Variants in ART1 observed in about 807,000 individuals in gnomAD.
ART1 encodes the protein ADP-ribosyltransferase 1, also known as GPI-linked NAD(P)(+)--arginine ADP-ribosyltransferase 1.
Under a neutral mutation model 27.0 loss-of-function variants are expected in ART1, and 29 were observed. That is an observed-to-expected ratio of 1.08 (90% confidence interval 0.80 to 1.47). The LOEUF (loss-of-function observed/expected upper bound fraction) is 1.47. Among genes scored for constraint, ART1 ranks in the 40% most tolerant of loss-of-function variants. The probability of loss-of-function intolerance (pLI) is 0.00; values close to 1 mark genes in which losing one functional copy is unlikely to be tolerated. For synonymous variants in ART1, 201 were observed against 172.2 expected, an observed-to-expected ratio of 1.17 and a Z score of -1.31; for missense variants, 480 against 423.0, an observed-to-expected ratio of 1.13 and a Z score of -1.18.
At chr11:3,653,454 C>T (rs1003048101) in intron 1 of ART1, among the ~76,000 whole-genome samples, 1 of 149,210 alleles carries the variant, frequency 6.7e-6, no homozygotes, top group Non-Finnish European at 1.5e-5. Flanking sequence ...CTCTGACTGC[C>T]AGAGAACAAC....
At chr11:3,647,893 G>C (rs2077482493) in intron 1 of ART1, among the ~76,000 whole-genome samples, 1 of 147,988 alleles carries the variant, frequency 6.8e-6, no homozygotes. Flanking sequence ...CTGCAGTCAT[G>C]TAAGAATGGT....
intron 1 of ART1, among the ~76,000 whole-genome samples, chr11:3,648,561 T>C (rs1401542648): frequency 6.6e-6 from 1 of 152,198 alleles, no homozygotes; most frequent in Non-Finnish European, 1.5e-5. Flanking sequence ...TCTCTTAATT[T>C]CAATTCCTTT....
In ART1 at chr11:3,659,615, CTTCTCT is replaced by C; in HGVS notation, c.97_102del (p.Phe33_Ser34del). The C allele has an allele frequency of 6.2e-7, 1 of 1,611,320 alleles. No individual in the cohort carries two copies. The highest frequency in any genetic ancestry group is 8.5e-7 in the Non-Finnish European group (1 of 1,179,238). ...GCCACCCCATCACACGACGAGACCT[CTTCTCT>C]CAAGAGATTCAGCTGGACATGGCCC... is the stretch of plus-strand genomic sequence containing the variant. On this transcript the variant is annotated inframe_deletion, in exon 3 of 5. Transcript: ENST00000250693.
At position 3,660,021 on chromosome 11, in the gene ART1, G is replaced by T. The variant is rs746683411; in HGVS notation, c.502G>T (p.Gly168Cys). 6.2e-7 allele frequency: 1 copy of T among 1,613,828 alleles called. No homozygotes were observed. The highest frequency in any genetic ancestry group is 8.5e-7 in the Non-Finnish European group (1 of 1,179,930). The change falls in exon 3 of 5, where the codon GGC (glycine) becomes TGC (cysteine). Residue 168 changes from glycine to cysteine, a missense_variant. Transcript: ENST00000250693. ...TGAGGCCCTGCAGCTCCTGGGCAGC[G>T]GCCAGCGTCCACCCCGGTGCCACCA... ...LTEALQLLGS[G>C]QRPPRCHQVF...
intron 1 of ART1, among the ~76,000 whole-genome samples, chr11:3,648,204 G>A (rs897174586): frequency 1.7e-4 from 26 of 151,574 alleles, no homozygotes; most frequent in East Asian, 1.4e-3. Context: ...ATCTCCCTTC[G>A]CTGACTCTCT....
intron 1 of ART1, among the ~76,000 whole-genome samples, chr11:3,649,956 C>G (rs2077505832): frequency 6.6e-6 from 1 of 152,152 alleles, no homozygotes; most frequent in African/African-American, 2.4e-5. Flanking sequence ...CCAATCTGCT[C>G]CTGACATTAA....
intron 1 of ART1, among the ~76,000 whole-genome samples, chr11:3,657,327 C>A (rs1403538943): frequency 6.6e-6 from 1 of 152,172 alleles, no homozygotes; most frequent in African/African-American, 2.4e-5. Flanking sequence ...GTAATCCCAG[C>A]ACTTTGGGAG....
intron 1 of ART1, among the ~76,000 whole-genome samples, chr11:3,652,210 G>A (rs922187550): frequency 6.6e-6 from 1 of 150,872 alleles, no homozygotes; most frequent in Non-Finnish European, 1.5e-5. Flanking sequence ...TCTTAGTCTA[G>A]GTAGACACTT....
chr11:3,663,352 T>C (rs2077637583), intron 4 of ART1, among the ~76,000 whole-genome samples: 1 of 152,170 alleles, frequency 6.6e-6, no homozygotes, highest in Admixed American at 6.5e-5. Flanking sequence ...TTCCAGATAC[T>C]GGAAAAGTTT....
At chr11:3,650,564 G>T (rs890107033) in intron 1 of ART1, among the ~76,000 whole-genome samples, 1 of 152,132 alleles carries the variant, frequency 6.6e-6, no homozygotes, top group Non-Finnish European at 1.5e-5. Context: ...TGTTTCCCTT[G>T]CTTCCATAAC....
intron 1 of ART1, among the ~76,000 whole-genome samples, chr11:3,648,854 ACTC>A (rs543466353): frequency 5.2e-4 from 77 of 148,742 alleles, no homozygotes; most frequent in Admixed American, 1.9e-3. Context: ...AGGGGCAAAA[ACTC>A]CTCAACCCCT....
At chr11:3,663,973 G>C in intron 4 of ART1, 119 bp from the exon 5 acceptor site, 1 of 886,528 alleles carries the variant, frequency 1.1e-6, no homozygotes, top group Non-Finnish European at 1.7e-6. Flanking sequence ...AGTCTGTCCA[G>C]CTCACTCTGC....
Position 3,664,220 on chromosome 11 carries a change from GCC to G in ART1, c.*32_*33del. 1 of 1,599,426 alleles carries G rather than the reference GCC, an allele frequency of 6.3e-7. No homozygotes were observed. Among genetic ancestry groups the G allele is most frequent in the African/African-American group, 1.3e-5 (1 of 74,726 alleles). Reference sequence around the variant, plus strand: ...GAGACACGGGACAGCCTCGCCTGCTGCCTCTGCCCATCCTGAGGATGTTGGCC... The same window carrying G: ...GAGACACGGGACAGCCTCGCCTGCTGTCTGCCCATCCTGAGGATGTTGGCC... On this transcript the variant is annotated 3_prime_UTR_variant, in exon 5 of 5. Transcript: ENST00000250693.
intron 1 of ART1, among the ~76,000 whole-genome samples, chr11:3,648,794 C>G (rs2077489934): frequency 6.6e-6 from 1 of 151,986 alleles, no homozygotes; most frequent in Non-Finnish European, 1.5e-5. Context: ...GGGGTAAGTA[C>G]CCCAACCCCT....
chr11:3,656,191 C>T (rs996349824), intron 1 of ART1, among the ~76,000 whole-genome samples: 9 of 151,904 alleles, frequency 5.9e-5, no homozygotes, highest in South Asian at 2.1e-4. Context: ...GCCTTGGCCT[C>T]CCAGAGTGCT....
At chr11:3,657,213 G>T (rs1184358804) in intron 1 of ART1, among the ~76,000 whole-genome samples, 2 of 152,106 alleles carry the variant, frequency 1.3e-5, no homozygotes, top group South Asian at 2.1e-4. Flanking sequence ...TTTTCTGAAG[G>T]GAGGTTTCAG....
chr11:3,659,508 G>A, intron 2 of ART1, 75 bp from the exon 3 acceptor site: 3 of 1,493,872 alleles, frequency 2.0e-6, no homozygotes, highest in South Asian at 1.3e-5. Flanking sequence ...CTCAGTGGAG[G>A]GGAGAGCTGG....
intron 1 of ART1, chr11:3,655,422 C>G (rs943744706): frequency 6.6e-6 from 1 of 152,222 alleles, no homozygotes; most frequent in Admixed American, 6.5e-5. Flanking sequence ...AGTCTGACTT[C>G]CAGCCCTCAT....
intron 1 of ART1, among the ~76,000 whole-genome samples, chr11:3,650,595 A>G (rs2077513284): frequency 6.6e-6 from 1 of 152,170 alleles, no homozygotes; most frequent in South Asian, 2.1e-4. Flanking sequence ...ATTGACAGCC[A>G]GGCTTCTAAG....
Sources: allele counts gnomAD v4.1 joint callset (sites outside exome capture counted in the v4.1 genomes callset), GRCh38; gene constraint gnomAD v4.1.1; transcripts MANE v1.5; gene names NCBI Gene and HGNC (gene_info 2026-07-23, HGNC 2026-07-21).